Variants in PCDH15 observed in about 807,000 individuals in gnomAD.
PCDH15 encodes protocadherin related 15.
Under a neutral mutation model 178.5 loss-of-function variants are expected in PCDH15, and 129 were observed. That is an observed-to-expected ratio of 0.72 (90% CI 0.63 to 0.84). The LOEUF (loss-of-function observed/expected upper bound fraction) is 0.84. PCDH15 is among the 40% of genes least tolerant of loss of function. The pLI, the probability that PCDH15 is intolerant of heterozygous loss-of-function variation, is 0.00. For synonymous variants in PCDH15, 800 were observed against 732.0 expected (o/e 1.09, Z -1.50); for missense variants, 2,230 against 2,099.9 (o/e 1.06, Z -1.21).
At chr10:54,957,565 C>T (rs767204490) in intron 2 of PCDH15, among the ~76,000 whole-genome samples, 9 of 151,402 alleles carry the variant, frequency 5.9e-5, no homozygotes, top group Non-Finnish European at 1.3e-4. Context: ...AATTGCAATA[C>T]ACATTTCTCA....
intron 2 of PCDH15, among the ~76,000 whole-genome samples, chr10:55,622,065 GTATATATAA>G (rs1044583316): frequency 3.4e-4 from 43 of 127,232 alleles, no homozygotes; most frequent in African/African-American, 1.2e-3. Flanking sequence ...TATATATAAT[GTATATATAA>G]TATATATAAA....
chr10:53,921,529 A>G (rs1327836223), intron 25 of PCDH15, among the ~76,000 whole-genome samples: 1 of 151,752 alleles, frequency 6.6e-6, no homozygotes, highest in Non-Finnish European at 1.5e-5. Flanking sequence ...TCTTCACTTC[A>G]CCCCTGGCCA....
At chr10:55,260,958 A>C (rs1842133591) in intron 1 of PCDH15, among the ~76,000 whole-genome samples, 1 of 152,180 alleles carries the variant, frequency 6.6e-6, no homozygotes, top group South Asian at 2.1e-4. Context: ...TTCATGGTGA[A>C]ATCCTTTGGG....
intron 3 of PCDH15, among the ~76,000 whole-genome samples, chr10:54,403,142 A>G (rs1234715958): frequency 2.0e-5 from 3 of 152,030 alleles, no homozygotes; most frequent in Non-Finnish European, 4.4e-5. Flanking sequence ...AGTGATCTGA[A>G]TAGAAGATCA....
In PCDH15 at chr10:55,581,075, T is replaced by C. The variant is rs575025035; in HGVS notation, c.-156+46550A>G. ...AATCCAAAAATGTACTAAAATTTTA[T>C]ACAATATTTTGAATGTACATAATAC... On this transcript the variant is annotated intron_variant, in intron 2 of 5. Transcript: ENST00000613346. Among the ~76,000 whole-genome samples, 7 of 152,312 alleles carry C rather than the reference T, an allele frequency of 4.6e-5. No individual in the cohort carries two copies. In the East Asian group the frequency reaches 1.4e-3, roughly 29 times the overall value.
rs567140942 is a variant in PCDH15 at position 55,076,986 on chromosome 10, C to CTCAAAT, written c.-80+89584_-80+89589dup. On this transcript the variant is annotated intron_variant, in intron 2 of 5. Transcript: ENST00000458638. ...GTTTTGCCATGTTGATCAGGCTGGT[C>CTCAAAT]TCAAATTCCTAACCTCGTGATCCGC... 2.6e-3 allele frequency among the ~76,000 whole-genome samples: 392 copies of CTCAAAT among 151,582 alleles called. 3 individuals are homozygous for CTCAAAT. The highest frequency in any genetic ancestry group is 9.0e-3 in the African/African-American group (373 of 41,294).
chr10:55,036,188 T>A (rs1218363588), intron 2 of PCDH15, among the ~76,000 whole-genome samples: 1 of 152,158 alleles, frequency 6.6e-6, no homozygotes, highest in Non-Finnish European at 1.5e-5. Flanking sequence ...CTTTCCGCCA[T>A]GAGATGATGA....
At chr10:54,172,269 C>G (rs1335425097) in intron 13 of PCDH15, among the ~76,000 whole-genome samples, 1 of 152,014 alleles carries the variant, frequency 6.6e-6, no homozygotes, top group Non-Finnish European at 1.5e-5. Flanking sequence ...CCTGGCTCAT[C>G]CTGGCTCAGA....
At chr10:55,390,509 C>T (rs919726964) in intron 2 of PCDH15, among the ~76,000 whole-genome samples, 1 of 152,094 alleles carries the variant, frequency 6.6e-6, no homozygotes, top group African/African-American at 2.4e-5. Flanking sequence ...GGAGTCAAGT[C>T]TTCTTAGTGT....
intron 25 of PCDH15, chr10:53,905,377 A>G (rs576302094): frequency 1.4e-4 from 60 of 418,468 alleles, no homozygotes; most frequent in African/African-American, 1.1e-3. Context: ...TCTGTCGCCC[A>G]GGCTGGAGTG....
intron 2 of PCDH15, among the ~76,000 whole-genome samples, chr10:55,157,125 A>C (rs1177624139): frequency 2.6e-5 from 4 of 151,454 alleles, no homozygotes; most frequent in Admixed American, 6.6e-5. Flanking sequence ...CATTCTATCT[A>C]TATCTATCTA....
At chr10:53,855,473 A>C (rs2078661725) in intron 28 of PCDH15, among the ~76,000 whole-genome samples, 1 of 152,086 alleles carries the variant, frequency 6.6e-6, no homozygotes, top group African/African-American at 2.4e-5. Context: ...AATGTTGATA[A>C]CCATCACCCT....
chr10:54,837,314 T>G (rs1953333687), intron 3 of PCDH15, among the ~76,000 whole-genome samples: 1 of 152,060 alleles, frequency 6.6e-6, no homozygotes, highest in African/African-American at 2.4e-5. Context: ...CAATAAAAAC[T>G]AATGTAATTC....
At chr10:53,850,195 A>C (rs1384414417) in intron 28 of PCDH15, among the ~76,000 whole-genome samples, 1 of 152,116 alleles carries the variant, frequency 6.6e-6, no homozygotes, top group Admixed American at 6.5e-5. Context: ...TTTCAATACT[A>C]AAGTTTTGGA....
At chr10:54,238,677 TCACA>T (rs71476326) in intron 8 of PCDH15, among the ~76,000 whole-genome samples, 3,789 of 144,156 alleles carry the variant, frequency 0.026, 139 homozygotes, top group African/African-American at 0.084. Flanking sequence ...TCTCTCTCTC[TCACA>T]CACACACACA....
chr10:55,123,726 C>A (rs1012765838), intron 2 of PCDH15, among the ~76,000 whole-genome samples: 1 of 152,132 alleles, frequency 6.6e-6, no homozygotes, highest in East Asian at 1.9e-4. Context: ...CATAGAAACA[C>A]ATATGGAACT....
chr10:54,700,909 C>T (rs773712346), intron 1 of PCDH15, among the ~76,000 whole-genome samples: 5 of 151,960 alleles, frequency 3.3e-5, no homozygotes, highest in Admixed American at 6.6e-5. Context: ...GAAATGTAGC[C>T]GGAAGATTCT....
chr10:54,256,094 A>T (rs2056875703), intron 8 of PCDH15, among the ~76,000 whole-genome samples: 1 of 152,180 alleles, frequency 6.6e-6, no homozygotes, highest in African/African-American at 2.4e-5. Flanking sequence ...CCATGCCACC[A>T]GCCTGCTCCC....
At chr10:54,375,206 A>T (rs1948220422) in intron 4 of PCDH15, among the ~76,000 whole-genome samples, 1 of 152,152 alleles carries the variant, frequency 6.6e-6, no homozygotes, top group Admixed American at 6.6e-5. Context: ...AACAAAACAC[A>T]GTGACTTTAA....
Sources: gnomAD v4.1 joint callset for allele counts (sites outside exome capture counted in the v4.1 genomes callset) on GRCh38, gnomAD v4.1.1 for gene constraint, MANE v1.5 for transcripts, NCBI Gene and HGNC (gene_info 2026-07-23, HGNC 2026-07-21) for gene names.